The following GALNTL6 variants were observed in gnomAD, a reference collection of about 807,000 sequenced individuals.
The protein encoded by GALNTL6 is polypeptide N-acetylgalactosaminyltransferase like 6, also known as polypeptide N-acetylgalactosaminyltransferase-like 6.
In GALNTL6, 46 loss-of-function variants were observed where a neutral mutation model predicts 73.7. The ratio of observed to expected loss-of-function variants is 0.62; its 90% CI spans 0.49 to 0.80. The LOEUF (loss-of-function observed/expected upper bound fraction) is 0.80. GALNTL6 is among the 30% of genes least tolerant of loss of function. The probability of loss-of-function intolerance (pLI) is 0.00; values close to 1 mark genes in which losing one functional copy is unlikely to be tolerated. For synonymous variants in GALNTL6, 259 were observed against 263.7 expected, an observed-to-expected ratio of 0.98 and a Z score of 0.17; for missense variants, 604 against 755.0, an observed-to-expected ratio of 0.80 and a Z score of 2.34.
intron 3 of GALNTL6, among the ~76,000 whole-genome samples, chr4:172,230,932 T>C (rs1737044560): frequency 6.6e-6 from 1 of 152,190 alleles, no homozygotes; most frequent in Middle Eastern, 3.2e-3. Flanking sequence ...TTCGTAGCTC[T>C]GTATCAGGTA....
intron 10 of GALNTL6, among the ~76,000 whole-genome samples, chr4:172,998,832 TC>T (rs1233744059): frequency 2.0e-5 from 3 of 152,082 alleles, no homozygotes; most frequent in African/African-American, 7.2e-5. Context: ...TCCCTGGAGT[TC>T]CCCCCTCAAT....
At chr4:172,783,239 G>T (rs1185111228) in intron 5 of GALNTL6, among the ~76,000 whole-genome samples, 1 of 150,556 alleles carries the variant, frequency 6.6e-6, no homozygotes, top group Non-Finnish European at 1.5e-5. Flanking sequence ...AATAAATAAA[G>T]TAGTATACTA....
At chr4:172,122,139 T>C in intron 2 of GALNTL6, among the ~76,000 whole-genome samples, 1 of 151,334 alleles carries the variant, frequency 6.6e-6, no homozygotes, top group East Asian at 1.9e-4. Context: ...TAGGCTGAAT[T>C]CGAGCAGAGC....
At chr4:171,834,979 G>C (rs1425958577) in intron 2 of GALNTL6, among the ~76,000 whole-genome samples, 3 of 151,960 alleles carry the variant, frequency 2.0e-5, no homozygotes, top group Non-Finnish European at 4.4e-5. Context: ...AGCAAAAAGA[G>C]TGAGAGGCAT....
At chr4:172,768,395 T>C (rs1025466875) in intron 5 of GALNTL6, among the ~76,000 whole-genome samples, 7 of 152,188 alleles carry the variant, frequency 4.6e-5, no homozygotes, top group East Asian at 3.8e-4. Flanking sequence ...TGGTGGGAAC[T>C]TGACCTCAGC....
chr4:172,487,594 C>T (rs915160699), intron 5 of GALNTL6, among the ~76,000 whole-genome samples: 1 of 151,682 alleles, frequency 6.6e-6, no homozygotes, highest in East Asian at 1.9e-4. Flanking sequence ...CACCACATTG[C>T]CCAGGCTGTT....
chr4:172,776,809 G>T (rs1012980178), intron 5 of GALNTL6, among the ~76,000 whole-genome samples: 15 of 152,262 alleles, frequency 9.9e-5, no homozygotes, highest in Non-Finnish European at 8.8e-5. Flanking sequence ...GCTCTAATAT[G>T]TGGACCACCA....
chr4:172,807,200 A>G (rs531213801), intron 5 of GALNTL6, among the ~76,000 whole-genome samples: 4 of 152,308 alleles, frequency 2.6e-5, no homozygotes, highest in Middle Eastern at 3.4e-3. Context: ...AGCACTGAGC[A>G]GAGGGGCAGG....
At chr4:172,260,695 A>G (rs1311099068) in intron 3 of GALNTL6, among the ~76,000 whole-genome samples, 1 of 151,496 alleles carries the variant, frequency 6.6e-6, no homozygotes, top group African/African-American at 2.4e-5. Context: ...TCTCAGGGAG[A>G]ATGCTTTCAA....
intron 2 of GALNTL6, among the ~76,000 whole-genome samples, chr4:171,957,511 A>T (rs1560858816): frequency 2.0e-5 from 3 of 152,202 alleles, no homozygotes; most frequent in Non-Finnish European, 4.4e-5. Context: ...AAACAGAAAT[A>T]TGAGGAGATG....
chr4:172,913,049 C>T (rs562053368), intron 8 of GALNTL6, among the ~76,000 whole-genome samples: 35 of 152,276 alleles, frequency 2.3e-4, no homozygotes, highest in African/African-American at 7.7e-4. Flanking sequence ...CAACATTTGC[C>T]GTTCTGCAAT....
chr4:172,330,267 T>A (rs751419812), intron 4 of GALNTL6, among the ~76,000 whole-genome samples: 7 of 152,190 alleles, frequency 4.6e-5, no homozygotes, highest in Non-Finnish European at 8.8e-5. Context: ...CATGTAGCTC[T>A]GGGTGTCAGA....
chr4:173,022,614 A>G (rs1753062812), intron 12 of GALNTL6, among the ~76,000 whole-genome samples: 1 of 152,236 alleles, frequency 6.6e-6, no homozygotes, highest in Non-Finnish European at 1.5e-5. Flanking sequence ...ATATTTATAC[A>G]TCTATGTAGA....
intron 5 of GALNTL6, among the ~76,000 whole-genome samples, chr4:172,752,103 C>T (rs931488041): frequency 6.8e-6 from 1 of 146,504 alleles, no homozygotes; most frequent in Admixed American, 6.8e-5. Flanking sequence ...CAAGTGAGAA[C>T]TTGCCAAAAA....
intron 2 of GALNTL6, among the ~76,000 whole-genome samples, chr4:172,181,872 C>T (rs1199503170): frequency 2.0e-5 from 3 of 151,856 alleles, no homozygotes; most frequent in Admixed American, 6.6e-5. Flanking sequence ...CCCACCACCA[C>T]GCCCGGCTAA....
At chr4:171,888,947 A>T (rs1437422607) in intron 2 of GALNTL6, among the ~76,000 whole-genome samples, 1 of 152,130 alleles carries the variant, frequency 6.6e-6, no homozygotes, top group East Asian at 1.9e-4. Flanking sequence ...TTGCCAAAAA[A>T]TAAGTGTGCA....
At chr4:172,480,857 C>T (rs1733428599) in intron 5 of GALNTL6, among the ~76,000 whole-genome samples, 1 of 152,144 alleles carries the variant, frequency 6.6e-6, no homozygotes, top group South Asian at 2.1e-4. Context: ...TCCATGTGAT[C>T]TCATGTCCTC....
At chr4:172,157,225 A>G (rs1734314236) in intron 2 of GALNTL6, among the ~76,000 whole-genome samples, 1 of 152,214 alleles carries the variant, frequency 6.6e-6, no homozygotes, top group Non-Finnish European at 1.5e-5. Flanking sequence ...GCTTATCTGT[A>G]GGTAATGTGC....
intron 7 of GALNTL6, among the ~76,000 whole-genome samples, chr4:172,851,417 T>G (rs980957442): frequency 6.6e-6 from 1 of 150,786 alleles, no homozygotes; most frequent in African/African-American, 2.4e-5. Context: ...TATATATATA[T>G]ACACACACAC....
Sources: gnomAD v4.1 joint callset for allele counts (sites outside exome capture counted in the v4.1 genomes callset) on GRCh38, gnomAD v4.1.1 for gene constraint, MANE v1.5 for transcripts, NCBI Gene and HGNC (gene_info 2026-07-23, HGNC 2026-07-21) for gene names.